EXT2: variants seen among roughly 807,000 people sequenced by gnomAD.
EXT2 encodes exostosin glycosyltransferase 2.
Under a neutral mutation model 81.6 loss-of-function variants are expected in EXT2, and 53 were observed. The ratio of observed to expected loss-of-function variants is 0.65; its 90% CI spans 0.52 to 0.82. The LOEUF is 0.82. EXT2 is among the 40% of genes least tolerant of loss of function. The probability of loss-of-function intolerance (pLI) is 0.00; values close to 1 mark genes in which losing one functional copy is unlikely to be tolerated. For missense variants in EXT2, 774 were observed against 910.2 expected, an observed-to-expected ratio of 0.85 and a Z score of 1.93; for synonymous variants, 320 against 340.0, an observed-to-expected ratio of 0.94 and a Z score of 0.65.
At chr11:44,205,076 T>C (rs1239491928) in intron 9 of EXT2, among the ~76,000 whole-genome samples, 1 of 152,206 alleles carries the variant, frequency 6.6e-6, no homozygotes, top group African/African-American at 2.4e-5. Context: ...TAAACAGACT[T>C]AGGTTCAAAT....
At chr11:44,239,186 T>G (rs1374380091) in intron 13 of EXT2, among the ~76,000 whole-genome samples, 1 of 151,578 alleles carries the variant, frequency 6.6e-6, no homozygotes, top group East Asian at 1.9e-4. Context: ...GAAGAAGGAG[T>G]TGACAAACAT....
intron 13 of EXT2, among the ~76,000 whole-genome samples, chr11:44,238,626 G>A: frequency 6.6e-6 from 1 of 152,168 alleles, no homozygotes; most frequent in South Asian, 2.1e-4. Context: ...AGGCTCAAAG[G>A]GCTGTAACTG....
chr11:44,195,670 G>A (rs549842111), intron 8 of EXT2, among the ~76,000 whole-genome samples: 2 of 152,246 alleles, frequency 1.3e-5, no homozygotes, highest in South Asian at 4.1e-4. Flanking sequence ...GGTGATGGGT[G>A]TCCATCAGTG....
intron 9 of EXT2, among the ~76,000 whole-genome samples, chr11:44,202,350 TC>T (rs1332742856): frequency 6.6e-6 from 1 of 152,250 alleles, no homozygotes; most frequent in Non-Finnish European, 1.5e-5. Flanking sequence ...CCAGATTCCA[TC>T]CAGTATAGAG....
chr11:44,218,790 A>ATTT (rs1248969216), intron 10 of EXT2, among the ~76,000 whole-genome samples: 3 of 91,712 alleles, frequency 3.3e-5, no homozygotes, highest in African/African-American at 8.3e-5. Flanking sequence ...AGAATCTGCA[A>ATTT]TTCTTTTTTT....
In EXT2 at chr11:44,171,726, A is replaced by C. The variant is rs773676927; in HGVS notation, c.1289A>C (p.Asn430Thr). 6.2e-7 allele frequency: 1 copy of C among 1,614,068 alleles called. No homozygotes were observed. The highest frequency in any genetic ancestry group is 8.5e-7 in the Non-Finnish European group (1 of 1,179,922). ...PYAAISYEEWNDPPAVKWGSV... is the reference protein window; with the variant it reads ...PYAAISYEEWTDPPAVKWGSV... ...GCTGCCATCTCCTATGAAGAATGGAATGACCCTCCTGCTGTGGTAAGTGAA... is the reference window on the plus strand; with the variant it reads ...GCTGCCATCTCCTATGAAGAATGGACTGACCCTCCTGCTGTGGTAAGTGAA... Residue 430 changes from asparagine to threonine, a missense_variant, in exon 8 of 14, where the codon AAT (asparagine) becomes ACT (threonine). Around this residue, in one of 2 missense-constraint regions of EXT2, gnomAD observed 626 missense variants for 670.5 expected, o/e 0.93. Transcript: ENST00000533608.
intron 13 of EXT2, among the ~76,000 whole-genome samples, chr11:44,239,486 A>C (rs1227858852): frequency 7.1e-6 from 1 of 141,542 alleles, no homozygotes; most frequent in Non-Finnish European, 1.5e-5. Context: ...TCCGCCTCCC[A>C]GGTTCAAGTG....
intron 8 of EXT2, among the ~76,000 whole-genome samples, chr11:44,185,641 C>G (rs183330481): frequency 5.5e-4 from 84 of 152,284 alleles, no homozygotes; most frequent in African/African-American, 2.0e-3. Context: ...TCTTTCCACT[C>G]TGTATCAACT....
intron 1 of EXT2, among the ~76,000 whole-genome samples, chr11:44,106,273 A>C (rs79621454): frequency 6.6e-6 from 1 of 152,080 alleles, no homozygotes; most frequent in African/African-American, 2.4e-5. Flanking sequence ...TGAATCTACC[A>C]CATTGGCCCT....
intron 8 of EXT2, among the ~76,000 whole-genome samples, chr11:44,179,518 A>T (rs1467367354): frequency 2.6e-5 from 4 of 152,216 alleles, no homozygotes; most frequent in African/African-American, 4.8e-5. Context: ...TTAATTAAGA[A>T]CATACTGAAT....
chr11:44,215,890 G>C (rs1051554682), intron 10 of EXT2, among the ~76,000 whole-genome samples: 3 of 129,496 alleles, frequency 2.3e-5, no homozygotes, highest in African/African-American at 8.8e-5. Flanking sequence ...TTTTTTTTGA[G>C]ACGGAGTCTC....
At chr11:44,132,117 A>G (rs1369225035) in intron 7 of EXT2, among the ~76,000 whole-genome samples, 1 of 152,266 alleles carries the variant, frequency 6.6e-6, no homozygotes, top group Admixed American at 6.5e-5. Context: ...AGACTATTTT[A>G]TACTAGAATC....
intron 1 of EXT2, among the ~76,000 whole-genome samples, chr11:44,098,282 G>A (rs891599956): frequency 3.3e-5 from 5 of 152,140 alleles, no homozygotes. Context: ...TGTTTTGGGA[G>A]GATTGGTTCT....
chr11:44,125,894 C>T (rs117618546), intron 5 of EXT2, among the ~76,000 whole-genome samples: 436 of 152,328 alleles, frequency 2.9e-3, no homozygotes, highest in Non-Finnish European at 4.5e-3. Context: ...AGCTTTCCAC[C>T]TGCACCTCCG....
chr11:44,097,860 A>T (rs116363633), intron 1 of EXT2, among the ~76,000 whole-genome samples: 3 of 152,196 alleles, frequency 2.0e-5, no homozygotes, highest in Non-Finnish European at 4.4e-5. Flanking sequence ...GACTAAGTGG[A>T]TTGGCTATAA....
At chr11:44,214,830 T>C (rs1955698020) in intron 10 of EXT2, among the ~76,000 whole-genome samples, 1 of 151,862 alleles carries the variant, frequency 6.6e-6, no homozygotes, top group Non-Finnish European at 1.5e-5. Flanking sequence ...TAGCTAACTG[T>C]AACTTCAAAT....
chr11:44,105,996 A>G (rs1954049008), intron 1 of EXT2, among the ~76,000 whole-genome samples: 1 of 152,332 alleles, frequency 6.6e-6, no homozygotes, highest in East Asian at 1.9e-4. Flanking sequence ...CTCCGTGTCC[A>G]CTGGGGCAGG....
chr11:44,151,364 CTG>C (rs1293968764), intron 7 of EXT2, among the ~76,000 whole-genome samples: 1 of 152,112 alleles, frequency 6.6e-6, no homozygotes, highest in Non-Finnish European at 1.5e-5. Context: ...TAAAAATCCT[CTG>C]TGCTCTGCCT....
At chr11:44,231,741 T>A (rs1393585511) in intron 10 of EXT2, among the ~76,000 whole-genome samples, 1 of 152,156 alleles carries the variant, frequency 6.6e-6, no homozygotes, top group Non-Finnish European at 1.5e-5. Flanking sequence ...AAGTTCCTCA[T>A]CCCCAGTATA....
Sources: allele counts gnomAD v4.1 joint callset (sites outside exome capture counted in the v4.1 genomes callset), GRCh38; gene constraint gnomAD v4.1.1; regional missense constraint gnomAD v4.1.1; transcripts MANE v1.5; gene names NCBI Gene and HGNC (gene_info 2026-07-23, HGNC 2026-07-21).